The following SERINC5 variants were observed in gnomAD, a reference collection of about 807,000 sequenced individuals.
SERINC5 encodes serine incorporator 5, also known as chromosome 5 open reading frame 12.
A neutral mutation model predicts 63.1 loss-of-function variants in SERINC5; 41 were observed. The observed-to-expected ratio is 0.65, with a 90% confidence interval of 0.51 to 0.84. SERINC5 has a LOEUF of 0.84. Among genes scored for constraint, SERINC5 ranks in the 40% least tolerant of loss-of-function variants. The pLI is 0.00. For missense variants in SERINC5, 523 were observed against 573.0 expected, an observed-to-expected ratio of 0.91 and a Z score of 0.89; for synonymous variants, 222 against 215.2, an observed-to-expected ratio of 1.03 and a Z score of -0.28.
intron 5 of SERINC5, among the ~76,000 whole-genome samples, chr5:80,170,043 G>C (rs1244357573): frequency 6.6e-6 from 1 of 152,144 alleles, no homozygotes; most frequent in Non-Finnish European, 1.5e-5. Context: ...AGGCAAACGT[G>C]ACATTCCCCT....
chr5:80,223,058 T>C (rs1440678871), intron 1 of SERINC5, among the ~76,000 whole-genome samples: 2 of 152,192 alleles, frequency 1.3e-5, no homozygotes, highest in Non-Finnish European at 2.9e-5. Flanking sequence ...GGTCTCACTA[T>C]GTTGCCCAGG....
chr5:80,211,806 C>G (rs981080817), intron 1 of SERINC5, among the ~76,000 whole-genome samples: 2 of 152,208 alleles, frequency 1.3e-5, no homozygotes, highest in African/African-American at 4.8e-5. Context: ...CTCATATTCA[C>G]GACAATGGCC....
chr5:80,247,216 G>C (rs1195265430), intron 1 of SERINC5, among the ~76,000 whole-genome samples: 2 of 152,128 alleles, frequency 1.3e-5, no homozygotes, highest in Non-Finnish European at 2.9e-5. Context: ...AATAAAAGTA[G>C]ACAATGCCAT....
At chr5:80,241,089 A>G (rs1257201861) in intron 1 of SERINC5, among the ~76,000 whole-genome samples, 1 of 152,196 alleles carries the variant, frequency 6.6e-6, no homozygotes, top group East Asian at 1.9e-4. Flanking sequence ...CTACCTAGCG[A>G]TTGGTTTCCA....
intron 11 of SERINC5, 26 bp from the exon 12 acceptor site, chr5:80,143,836 G>A (rs538078920): frequency 1.8e-5 from 27 of 1,534,914 alleles, no homozygotes; most frequent in East Asian, 1.2e-4. Flanking sequence ...ACCTAGCCGC[G>A]GTCAAAGCAG....
At chr5:80,255,150 C>A (rs962184738) in intron 1 of SERINC5, 1 of 152,226 alleles carries the variant, frequency 6.6e-6, no homozygotes, top group Non-Finnish European at 1.5e-5. Flanking sequence ...CGTACTAATT[C>A]TACACTGATG....
At chr5:80,135,982 T>G (rs1409693623), downstream of SERINC5, among the ~76,000 whole-genome samples, 2 of 151,634 alleles carry the variant, frequency 1.3e-5, no homozygotes, top group East Asian at 3.9e-4. Flanking sequence ...CCTTAATGAG[T>G]TGTTTTGCAA....
intron 1 of SERINC5, among the ~76,000 whole-genome samples, chr5:80,227,292 AAG>A (rs1288787573): frequency 2.0e-5 from 3 of 152,234 alleles, no homozygotes; most frequent in Non-Finnish European, 4.4e-5. Context: ...AAAGGAAGAA[AAG>A]AGAGAAAAAG....
At chr5:80,200,355 A>G (rs4704632) in intron 2 of SERINC5, among the ~76,000 whole-genome samples, 76,958 of 149,264 alleles carry the variant, frequency 0.52, 20,253 homozygotes, top group East Asian at 0.71. Flanking sequence ...GCGTGGTGGC[A>G]GGCGCCTGTA....
intron 1 of SERINC5, among the ~76,000 whole-genome samples, chr5:80,238,286 C>T (rs926520928): frequency 2.0e-5 from 3 of 151,968 alleles, no homozygotes; most frequent in Non-Finnish European, 4.4e-5. Context: ...TGGCTTCATA[C>T]CCCTTACTCA....
intron 1 of SERINC5, among the ~76,000 whole-genome samples, chr5:80,252,440 C>G (rs1475117570): frequency 6.6e-6 from 1 of 152,162 alleles, no homozygotes; most frequent in Admixed American, 6.6e-5. Context: ...AACAAGGAAG[C>G]CCTGTGTTCA....
intron 1 of SERINC5, among the ~76,000 whole-genome samples, chr5:80,220,685 C>CTCTA (rs1750860446): frequency 6.6e-6 from 1 of 152,038 alleles, no homozygotes; most frequent in Non-Finnish European, 1.5e-5. Context: ...CTGAGGTAGG[C>CTCTA]GCCTCTGAGT....
chr5:80,176,844 G>T (rs550432290), intron 4 of SERINC5, among the ~76,000 whole-genome samples: 1 of 152,136 alleles, frequency 6.6e-6, no homozygotes, highest in East Asian at 1.9e-4. Context: ...GAAAAAGGGC[G>T]CCCTGTTTCA....
intron 1 of SERINC5, among the ~76,000 whole-genome samples, chr5:80,204,487 C>A (rs902930499): frequency 1.3e-5 from 2 of 152,166 alleles, no homozygotes; most frequent in African/African-American, 4.8e-5. Context: ...GAACATTCTT[C>A]CCAGGTACCT....
chr5:80,216,182 T>C (rs1489944983), intron 1 of SERINC5, among the ~76,000 whole-genome samples: 1 of 152,164 alleles, frequency 6.6e-6, no homozygotes, highest in Non-Finnish European at 1.5e-5. Flanking sequence ...CTCGACACTA[T>C]TGACTGGGGG....
chr5:80,128,756 T>C (rs1199770360), intron 11 of SERINC5, among the ~76,000 whole-genome samples: 1 of 152,216 alleles, frequency 6.6e-6, no homozygotes, highest in Non-Finnish European at 1.5e-5. Flanking sequence ...AAACATTGGC[T>C]ATCATTATTA....
Position 80,228,874 on chromosome 5 carries a change from T to C in SERINC5, c.28-25821A>G, listed in dbSNP as rs1751291395. On this transcript the variant is annotated intron_variant, in intron 1 of 11. Transcript: ENST00000507668. ...CACTCTAATATAAATAAAAAGATCA[T>C]TCCAAACTCTTCAAAGTTAACTATG... 2.6e-5 allele frequency among the ~76,000 whole-genome samples: 4 copies of C among 152,200 alleles called. No individual in the cohort carries two copies. In the South Asian group the frequency reaches 8.3e-4, roughly 32 times the overall value.
At chr5:80,219,088 C>G (rs1466036440) in intron 1 of SERINC5, among the ~76,000 whole-genome samples, 1 of 152,194 alleles carries the variant, frequency 6.6e-6, no homozygotes, top group East Asian at 1.9e-4. Flanking sequence ...AAATGTCAGA[C>G]AACAGGCCTC....
chr5:80,186,930 C>T (rs1419883291), intron 2 of SERINC5, among the ~76,000 whole-genome samples: 2 of 151,866 alleles, frequency 1.3e-5, no homozygotes, highest in Non-Finnish European at 2.9e-5. Context: ...CCAAGGCGGG[C>T]GGACTGCCTG....
Sources: allele counts gnomAD v4.1 joint callset (sites outside exome capture counted in the v4.1 genomes callset), GRCh38; gene constraint gnomAD v4.1.1; transcripts MANE v1.5; gene names NCBI Gene and HGNC (gene_info 2026-07-23, HGNC 2026-07-21).